Variants in SBF2 observed in about 807,000 individuals in gnomAD.
SBF2 encodes the protein myotubularin-related protein 13.
Under a neutral mutation model 225.2 loss-of-function variants are expected in SBF2, and 112 were observed. That is an observed-to-expected ratio of 0.50 (90% CI 0.43 to 0.58). The LOEUF is 0.58. Among genes scored for constraint, SBF2 ranks in the 20% least tolerant of loss-of-function variants. The probability of loss-of-function intolerance (pLI) is 0.00; values close to 1 mark genes in which losing one functional copy is unlikely to be tolerated. For missense variants in SBF2, 1,996 were observed against 2,206.2 expected (o/e 0.90, Z 1.91); for synonymous variants, 763 against 773.3 (o/e 0.99, Z 0.22).
intron 2 of SBF2, among the ~76,000 whole-genome samples, chr11:10,089,936 G>A (rs1429657308): frequency 6.6e-6 from 1 of 152,096 alleles, no homozygotes; most frequent in Non-Finnish European, 1.5e-5. Context: ...CAACCAAAAT[G>A]TCCATCAATA....
At chr11:9,824,857 C>A (rs1854977056) in intron 28 of SBF2, among the ~76,000 whole-genome samples, 1 of 152,066 alleles carries the variant, frequency 6.6e-6, no homozygotes, top group Non-Finnish European at 1.5e-5. Flanking sequence ...GTAAATAAAG[C>A]AGTAAGGGGA....
chr11:10,174,950 C>G (rs12289916), intron 2 of SBF2, among the ~76,000 whole-genome samples: 1,953 of 151,304 alleles, frequency 0.013, 37 homozygotes, highest in African/African-American at 0.044. Flanking sequence ...ACTTTACAGA[C>G]AAGCAAATGC....
At position 9,789,299 on chromosome 11, in the gene SBF2, T is replaced by C; in HGVS notation, c.4742A>G (p.Asp1581Gly). ...NVNVSSLKKWDYYIEETLSTG... is the reference protein window; with the variant it reads ...NVNVSSLKKWGYYIEETLSTG... ...GGACAGGGTCTCTTCTATGTAGTAATCCCACTTCTTGAGGCTAGAGACGTT... is the reference window on the plus strand; with the variant it reads ...GGACAGGGTCTCTTCTATGTAGTAACCCCACTTCTTGAGGCTAGAGACGTT... The change falls in exon 35 of 40, where the codon GAT becomes GGT. Residue 1581 changes from aspartate (D) to glycine (G), a missense_variant. Transcript: ENST00000256190. 1 of 1,614,104 alleles carries C rather than the reference T, an allele frequency of 6.2e-7. No homozygotes were observed. The highest frequency in any genetic ancestry group is 8.5e-7 in the Non-Finnish European group (1 of 1,180,014).
chr11:9,781,519 C>G lies in SBF2; in HGVS notation c.5439G>C (p.Lys1813Asn). The stretch of plus-strand genomic sequence containing the variant: ...AAGATCAACTTACATCAAAGAAAGC[C>G]TTGTCACTTGTGTGCTTTGGGGCTC... ...SMGAPKHTSD[K>N]AFFDLKTSKR... Residue 1813 changes from lysine to asparagine, a missense_variant, in exon 39 of 40, where the codon AAG becomes AAC. Transcript: ENST00000256190. The G allele has an allele frequency of 2.5e-6, 4 of 1,614,234 alleles. No homozygotes were observed. Among genetic ancestry groups the G allele is most frequent in the Non-Finnish European group, 3.4e-6 (4 of 1,180,046 alleles).
chr11:9,931,144 C>A (rs909508225), intron 16 of SBF2, among the ~76,000 whole-genome samples: 1 of 152,268 alleles, frequency 6.6e-6, no homozygotes, highest in African/African-American at 2.4e-5. Context: ...GCAAGGCCTA[C>A]TGCCTCTATG....
At chr11:9,964,006 T>A in intron 14 of SBF2, 124 bp from the exon 15 acceptor site, 1 of 650,952 alleles carries the variant, frequency 1.5e-6, no homozygotes, top group South Asian at 1.7e-5. Context: ...ATCCCAGCAA[T>A]TTGGGAGGCT....
intron 1 of SBF2, among the ~76,000 whole-genome samples, chr11:10,221,215 T>C (rs1430875493): frequency 1.3e-5 from 2 of 151,996 alleles, no homozygotes; most frequent in East Asian, 3.9e-4. Flanking sequence ...TCTCCCGGGT[T>C]CAAGTGATTC....
chr11:10,294,980 C>G (rs1389845323), upstream of SBF2, among the ~76,000 whole-genome samples: 1 of 152,252 alleles, frequency 6.6e-6, no homozygotes, highest in Non-Finnish European at 1.5e-5. Context: ...TAGATGGTCC[C>G]GTCCTTCCGT....
intron 25 of SBF2, among the ~76,000 whole-genome samples, chr11:9,840,441 TA>T (rs1304799041): frequency 2.0e-5 from 3 of 152,258 alleles, no homozygotes; most frequent in African/African-American, 7.2e-5. Flanking sequence ...GTAATTCAAC[TA>T]AAAAATGTCA....
chr11:10,292,024 G>A (rs1242155315), intron 1 of SBF2, among the ~76,000 whole-genome samples: 1 of 152,198 alleles, frequency 6.6e-6, no homozygotes, highest in South Asian at 2.1e-4. Context: ...TGTTAAATAT[G>A]TTAAGGTCAT....
chr11:10,074,166 G>A (rs1951004629), intron 2 of SBF2, among the ~76,000 whole-genome samples: 1 of 152,166 alleles, frequency 6.6e-6, no homozygotes, highest in African/African-American at 2.4e-5. Flanking sequence ...GTGACCCAGA[G>A]TTAACGATTG....
intron 13 of SBF2, among the ~76,000 whole-genome samples, chr11:9,983,546 G>C (rs547148663): frequency 2.0e-5 from 3 of 152,142 alleles, no homozygotes; most frequent in Non-Finnish European, 4.4e-5. Context: ...CAAGGGCCCC[G>C]CCCACCACTG....
chr11:10,220,771 T>C (rs1274174852), intron 1 of SBF2, among the ~76,000 whole-genome samples: 1 of 152,146 alleles, frequency 6.6e-6, no homozygotes, highest in Non-Finnish European at 1.5e-5. Context: ...ACTTCCCCCT[T>C]TCCCCATATA....
chr11:10,118,239 G>A (rs1421340349), intron 2 of SBF2, among the ~76,000 whole-genome samples: 7 of 152,144 alleles, frequency 4.6e-5, no homozygotes, highest in Admixed American at 4.6e-4. Flanking sequence ...ACTGACTGAT[G>A]ACTCTATTCC....
intron 2 of SBF2, among the ~76,000 whole-genome samples, chr11:10,046,353 C>T (rs1384170367): frequency 1.3e-5 from 2 of 152,074 alleles, no homozygotes; most frequent in Non-Finnish European, 2.9e-5. Flanking sequence ...ACCAATATTG[C>T]TCATAAACAT....
intron 2 of SBF2, among the ~76,000 whole-genome samples, chr11:10,105,799 C>A (rs1952520375): frequency 6.6e-6 from 1 of 152,194 alleles, no homozygotes; most frequent in Non-Finnish European, 1.5e-5. Flanking sequence ...AAAGCACATT[C>A]TGGCAGATTC....
chr11:9,789,022 T>C (rs1249646761), intron 35 of SBF2, 87 bp downstream of exon 35: 1 of 1,095,892 alleles, frequency 9.1e-7, no homozygotes, highest in Non-Finnish European at 1.4e-6. Flanking sequence ...AGGAGAGCCA[T>C]GTTCAGAAGT....
intron 22 of SBF2, among the ~76,000 whole-genome samples, chr11:9,848,973 A>G (rs921725125): frequency 1.3e-5 from 2 of 152,220 alleles, no homozygotes; most frequent in Non-Finnish European, 1.5e-5. Flanking sequence ...CACTTGTCCA[A>G]CCAATGAGTA....
At chr11:10,055,149 A>G (rs942810286) in intron 2 of SBF2, among the ~76,000 whole-genome samples, 42 of 152,120 alleles carry the variant, frequency 2.8e-4, no homozygotes, top group Admixed American at 2.7e-3. Context: ...TGATCCACCC[A>G]CCTCAGCCTC....
Sources: allele counts gnomAD v4.1 joint callset (sites outside exome capture counted in the v4.1 genomes callset), GRCh38; gene constraint gnomAD v4.1.1; transcripts MANE v1.5; gene names NCBI Gene and HGNC (gene_info 2026-07-23, HGNC 2026-07-21).